The following PLCXD2 variants were observed in gnomAD, a reference collection of about 807,000 sequenced individuals.
The protein encoded by PLCXD2 is PI-PLC X domain-containing protein 2.
Under a neutral mutation model 28.6 loss-of-function variants are expected in PLCXD2, and 21 were observed. That is an observed-to-expected ratio of 0.73 (90% confidence interval 0.52 to 1.06). The LOEUF (loss-of-function observed/expected upper bound fraction) is 1.06, where lower values mean the gene tolerates loss of function less well. Among genes scored for constraint, PLCXD2 ranks in the 50% least tolerant of loss-of-function variants. The pLI, the probability that PLCXD2 is intolerant of heterozygous loss-of-function variation, is 0.00. For missense variants in PLCXD2, 369 were observed against 376.7 expected, an observed-to-expected ratio of 0.98 and a Z score of 0.17; for synonymous variants, 140 against 150.1, an observed-to-expected ratio of 0.93 and a Z score of 0.49.
intron 1 of PLCXD2, 118 bp downstream of exon 1, chr3:111,675,526 T>C (rs1231329865): frequency 3.3e-6 from 4 of 1,229,702 alleles, no homozygotes; most frequent in Non-Finnish European, 4.7e-6. Context: ...CCCCTTTTTA[T>C]TTCCAAACCA....
At chr3:111,686,378 G>A (rs139261941) in intron 1 of PLCXD2, among the ~76,000 whole-genome samples, 62 of 152,244 alleles carry the variant, frequency 4.1e-4, no homozygotes, top group Middle Eastern at 3.4e-3. Flanking sequence ...TTGCTTTATT[G>A]CATTGTGGAT....
intron 3 of PLCXD2, among the ~76,000 whole-genome samples, chr3:111,714,744 T>C (rs1431267879): frequency 6.6e-6 from 1 of 152,126 alleles, no homozygotes; most frequent in Non-Finnish European, 1.5e-5. Context: ...AGAAAAAGGA[T>C]GGTTTATTTG....
At chr3:111,681,644 C>T (rs533274549) in intron 1 of PLCXD2, among the ~76,000 whole-genome samples, 54 of 152,298 alleles carry the variant, frequency 3.5e-4, no homozygotes, top group South Asian at 1.0e-3. Flanking sequence ...TCAGCCTCAA[C>T]CTCCACTGGG....
chr3:111,708,347 A>C lies in PLCXD2; in HGVS notation c.585A>C (p.Glu195Asp). 6.2e-7 allele frequency: 1 copy of C among 1,614,100 alleles called. No homozygotes were observed. The highest frequency in any genetic ancestry group is 8.5e-7 in the Non-Finnish European group (1 of 1,180,042). ...AGCTGTGCCCAGCCTGCAGTGTGGA[A>C]AGTTTGACGCTGCGAACTCTGTGGG... The change falls in exon 2 of 5, where the codon GAA becomes GAC. Residue 195 changes from glutamate (E) to aspartate (D), a missense_variant. By Grantham distance (45) the Glu-to-Asp change is conservative. Coordinates refer to ENST00000477665, the MANE Select transcript of PLCXD2 (RefSeq NM_001185106.1).
chr3:111,703,279 A>G (rs1363476447), intron 1 of PLCXD2, among the ~76,000 whole-genome samples: 1 of 152,210 alleles, frequency 6.6e-6, no homozygotes, highest in East Asian at 1.9e-4. Context: ...GGAAATGAAA[A>G]GAGAACAAAG....
chr3:111,701,269 T>TG (rs1941038258), intron 1 of PLCXD2, among the ~76,000 whole-genome samples: 1 of 152,216 alleles, frequency 6.6e-6, no homozygotes, highest in Admixed American at 6.5e-5. Context: ...TAGGTACTAT[T>TG]GGCCCATTTG....
intron 3 of PLCXD2, among the ~76,000 whole-genome samples, chr3:111,717,766 A>C (rs1313406454): frequency 6.6e-6 from 1 of 152,160 alleles, no homozygotes; most frequent in Non-Finnish European, 1.5e-5. Flanking sequence ...CAGGCTTTTA[A>C]AATGAAGTCT....
At chr3:111,720,671 C>T (rs951303269) in intron 3 of PLCXD2, 52 bp from the exon 4 acceptor site, 3 of 416,430 alleles carry the variant, frequency 7.2e-6, no homozygotes, top group Non-Finnish European at 1.3e-5. Flanking sequence ...GGAGAAGACC[C>T]TCTAAGCTGT....
chr3:111,680,239 G>A (rs1940692347), intron 1 of PLCXD2, among the ~76,000 whole-genome samples: 1 of 152,168 alleles, frequency 6.6e-6, no homozygotes, highest in African/African-American at 2.4e-5. Context: ...CTCAGATCTT[G>A]CTTCTGAAAG....
At chr3:111,681,139 A>G (rs1305216007) in intron 1 of PLCXD2, among the ~76,000 whole-genome samples, 1 of 152,198 alleles carries the variant, frequency 6.6e-6, no homozygotes, top group African/African-American at 2.4e-5. Context: ...TTGAATGGTT[A>G]CCCTGCAAAG....
chr3:111,683,079 C>T (rs1449705049), intron 1 of PLCXD2, among the ~76,000 whole-genome samples: 2 of 152,104 alleles, frequency 1.3e-5, no homozygotes, highest in African/African-American at 2.4e-5. Flanking sequence ...TAGAAGAAAG[C>T]CAAAATTCAA....
intron 1 of PLCXD2, among the ~76,000 whole-genome samples, chr3:111,684,263 G>A (rs1453998952): frequency 1.3e-5 from 2 of 150,864 alleles, no homozygotes; most frequent in African/African-American, 4.9e-5. Context: ...CCGGGAGGCA[G>A]AGGTTGCGAT....
intron 1 of PLCXD2, among the ~76,000 whole-genome samples, chr3:111,687,929 T>C (rs1347611473): frequency 6.6e-6 from 1 of 152,134 alleles, no homozygotes; most frequent in Non-Finnish European, 1.5e-5. Context: ...CGCAATGACC[T>C]CCCAAAGTGC....
chr3:111,717,561 C>G (rs1029778167), intron 3 of PLCXD2, among the ~76,000 whole-genome samples: 1 of 152,172 alleles, frequency 6.6e-6, no homozygotes, highest in South Asian at 2.1e-4. Flanking sequence ...CACATGCTAC[C>G]CGAAGCTGAC....
chr3:111,699,469 A>C (rs943641191), intron 1 of PLCXD2, among the ~76,000 whole-genome samples: 1 of 152,152 alleles, frequency 6.6e-6, no homozygotes, highest in Non-Finnish European at 1.5e-5. Flanking sequence ...GAGATCTCTA[A>C]TCCCCAAATG....
intron 1 of PLCXD2, among the ~76,000 whole-genome samples, chr3:111,705,114 G>A (rs999730013): frequency 1.3e-5 from 2 of 152,068 alleles, no homozygotes; most frequent in Non-Finnish European, 1.5e-5. Context: ...ACCACGCCTG[G>A]TCCTAGCATA....
chr3:111,720,873 T>G (rs1288122646), intron 3 of PLCXD2: 1 of 416,822 alleles, frequency 2.4e-6, no homozygotes, highest in Non-Finnish European at 4.4e-6. Context: ...CAGCTCTGGC[T>G]AAATGCTGAT....
At chr3:111,686,504 T>A (rs117974035) in intron 1 of PLCXD2, among the ~76,000 whole-genome samples, 1 of 152,174 alleles carries the variant, frequency 6.6e-6, no homozygotes, top group Non-Finnish European at 1.5e-5. Flanking sequence ...TCATGGAAAA[T>A]AAACAAGTAT....
At chr3:111,722,233 G>A (rs911307591) in intron 3 of PLCXD2, 16 of 148,986 alleles carry the variant, frequency 1.1e-4, no homozygotes, top group Middle Eastern at 3.4e-3. Flanking sequence ...AATATCTGCC[G>A]TGCTTCTTAC....
Sources: gnomAD v4.1 joint callset for allele counts (sites outside exome capture counted in the v4.1 genomes callset) on GRCh38, gnomAD v4.1.1 for gene constraint, MANE v1.5 for transcripts, NCBI Gene and HGNC (gene_info 2026-07-23, HGNC 2026-07-21) for gene names.